The following NDUFS3 variants were observed in gnomAD, a reference collection of about 807,000 sequenced individuals.
NDUFS3 encodes NADH dehydrogenase [ubiquinone] iron-sulfur protein 3, mitochondrial.
In NDUFS3, 19 loss-of-function variants were observed where a neutral mutation model predicts 30.8. The observed-to-expected ratio is 0.62, with a 90% CI of 0.43 to 0.91. The LOEUF (loss-of-function observed/expected upper bound fraction) is 0.91, where lower values mean the gene tolerates loss of function less well. NDUFS3 is among the 40% of genes least tolerant of loss of function. The pLI, the probability that NDUFS3 is intolerant of heterozygous loss-of-function variation, is 0.00. For missense variants in NDUFS3, 331 were observed against 342.0 expected (o/e 0.97, Z 0.25); for synonymous variants, 153 against 135.8 (o/e 1.13, Z -0.88).
At position 47,579,099 on chromosome 11, in the gene NDUFS3, C is replaced by T. The variant is rs1275015181; in HGVS notation, c.8C>T (p.Ala3Val). 6.4e-7 allele frequency: 1 copy of T among 1,570,942 alleles called. No individual in the cohort carries two copies. The highest frequency in any genetic ancestry group is 8.6e-7 in the Non-Finnish European group (1 of 1,159,662). Reference sequence around the variant, plus strand: ...AGTCTGCATCTGAGTAACATGGCGGCGGCGGCGGTAGCCAGGCTGTGGTGG... The same window carrying T: ...AGTCTGCATCTGAGTAACATGGCGGTGGCGGCGGTAGCCAGGCTGTGGTGG... MA[A>V]AAVARLWWRG... The change falls in exon 1 of 7, where the codon GCG (alanine) becomes GTG (valine). Residue 3 changes from alanine (A) to valine (V), a missense_variant. Transcript: ENST00000263774.
chr11:47,582,553 G>A (rs1192733311), intron 6 of NDUFS3, 85 bp downstream of exon 6: 1 of 1,600,966 alleles, frequency 6.2e-7, no homozygotes, highest in South Asian at 1.1e-5. Context: ...AAGAAATACG[G>A]TCTGTGGATT....
In NDUFS3 at chr11:47,579,334, C is replaced by T; in HGVS notation, c.133C>T (p.Pro45Ser). The T allele has an allele frequency of 1.2e-6, 2 of 1,613,718 alleles. No homozygotes were observed. Among genetic ancestry groups the T allele is most frequent in the Non-Finnish European group, 1.7e-6 (2 of 1,180,034 alleles). ...RRESAGADTR[P>S]TVRPRNDVAH... ...GGAGAGCGCCGGGGCCGACACGCGC[C>T]GTGAGTATGTGCGGGCAGCGCTCTT... Residue 45 changes from proline (P) to serine (S), a missense_variant and splice_region_variant, in exon 2 of 7, where the codon CCC (proline) becomes TCC (serine). Physicochemically the swap from Pro to Ser is moderately conservative, Grantham distance 74. Transcript: ENST00000263774.
intron 2 of NDUFS3, chr11:47,579,593 C>G: frequency 1.7e-6 from 1 of 597,550 alleles, no homozygotes; most frequent in Admixed American, 2.9e-5. Context: ...AGCAATATAA[C>G]CTTTAGGCCT....
In NDUFS3 at chr11:47,584,003, AAG is replaced by A. The variant is rs529836383; in HGVS notation, c.628-308_628-307del. ...GGGCAAATGCTTACCATTACCTTGTAAGAGTGTGTGGGTGGGTGAGCAGTCAG... is the reference window on the plus strand; with the variant it reads ...GGGCAAATGCTTACCATTACCTTGTAAGTGTGTGGGTGGGTGAGCAGTCAG... On this transcript the variant is annotated intron_variant, in intron 6 of 6. Transcript: ENST00000263774. Among the ~76,000 whole-genome samples the A allele has an allele frequency of 1.5e-3, 225 of 152,278 alleles. 6 individuals are homozygous for A. The highest frequency in any genetic ancestry group is 0.014 in the Admixed American group (220 of 15,284).
At position 47,582,286 on chromosome 11, in the gene NDUFS3, GTA is replaced by G. The variant is rs1437542128; in HGVS notation, c.508-62_508-61del. 50 of 1,614,204 alleles carry G rather than the reference GTA, an allele frequency of 3.1e-5. No individual in the cohort carries two copies. The East Asian group carries it at 1.1e-3, about 35-fold the overall frequency. On this transcript the variant is annotated intron_variant, in intron 5 of 6. Coordinates refer to ENST00000263774, the MANE Select transcript of NDUFS3 (RefSeq NM_004551.3). ...ACTGGTTCAGACTACGGGATGCAGTGTAGCCCCTTCCCCCTGTTGTTAGTCTT... is the reference window on the plus strand; with the variant it reads ...ACTGGTTCAGACTACGGGATGCAGTGGCCCCTTCCCCCTGTTGTTAGTCTT...
chr11:47,580,161 T>C (rs184614569), intron 2 of NDUFS3, among the ~76,000 whole-genome samples: 51 of 152,274 alleles, frequency 3.3e-4, no homozygotes, highest in African/African-American at 1.2e-3. Context: ...GCTAAGGAGC[T>C]ACAGAGAGGC....
rs1267857141 is a variant in NDUFS3, at chr11:47,583,220, T to A, written c.627+752T>A. ...CATGCACCAACATGCCCAGCAAATT[T>A]TTGTATTTTTTGTAGAGACGGGGTT... On this transcript the variant is annotated intron_variant, in intron 6 of 6. Coordinates refer to ENST00000263774, the MANE Select transcript of NDUFS3 (RefSeq NM_004551.3). 5.3e-5 allele frequency among the ~76,000 whole-genome samples: 8 copies of A among 151,914 alleles called. No individual in the cohort carries two copies. The East Asian group carries it at 1.6e-3, about 29-fold the overall frequency.
chr11:47,580,524 G>T lies in NDUFS3; in HGVS notation c.134-1G>T. Reference sequence around the variant, plus strand: ...TTTTTAAATATGCCTTTTCCTTCCAGCCACTGTCAGACCACGGAATGATGT... The same window carrying T: ...TTTTTAAATATGCCTTTTCCTTCCATCCACTGTCAGACCACGGAATGATGT... On this transcript the variant is annotated splice_acceptor_variant, in intron 2 of 6. Transcript: ENST00000263774. LOFTEE classifies it high-confidence loss of function. 6.2e-7 allele frequency: 1 copy of T among 1,614,118 alleles called. No individual in the cohort carries two copies. Among genetic ancestry groups the T allele is most frequent in the Non-Finnish European group, 8.5e-7 (1 of 1,180,014 alleles).
At chr11:47,583,532 A>G (rs183298077) in intron 6 of NDUFS3, among the ~76,000 whole-genome samples, 140 of 152,338 alleles carry the variant, frequency 9.2e-4, no homozygotes, top group African/African-American at 3.2e-3. Flanking sequence ...GGGACCAGTA[A>G]CGTGAATAAA....
chr11:47,583,050 C>CTG (rs576702023), intron 6 of NDUFS3, among the ~76,000 whole-genome samples: 6,080 of 149,930 alleles, frequency 0.041, 109 homozygotes, highest in Middle Eastern at 0.068. Context: ...TCAATTGATG[C>CTG]TGTGTGTGTG....
Position 47,580,530 on chromosome 11 carries a change from G to A in NDUFS3, c.139G>A (p.Val47Ile), listed in dbSNP as rs1352349109. The A allele has an allele frequency of 3.7e-6, 6 of 1,614,038 alleles. No individual in the cohort carries two copies. The highest frequency in any genetic ancestry group is 5.1e-6 in the Non-Finnish European group (6 of 1,180,046). The change falls in exon 3 of 7, where the codon GTC becomes ATC. Residue 47 changes from valine to isoleucine, a missense_variant. Coordinates refer to ENST00000263774, the MANE Select transcript of NDUFS3 (RefSeq NM_004551.3). ...AATATGCCTTTTCCTTCCAGCCACT[G>A]TCAGACCACGGAATGATGTGGCCCA... ...ESAGADTRPTVRPRNDVAHKQ... is the reference protein window; with the variant it reads ...ESAGADTRPTIRPRNDVAHKQ...
rs36201718 is a variant in NDUFS3 at position 47,579,984 on chromosome 11, GACACACACACACAC to G, written c.134-508_134-495del. ...TTCTCCTTTCCTGGGTTTTCTCATT[GACACACACACACAC>G]ACACACACACACACACACACACACA... On this transcript the variant is annotated intron_variant, in intron 2 of 6. Coordinates refer to ENST00000263774, the MANE Select transcript of NDUFS3 (RefSeq NM_004551.3). 8.8e-3 allele frequency among the ~76,000 whole-genome samples: 1,225 copies of G among 139,378 alleles called. 10 individuals are homozygous for G. The highest frequency in any genetic ancestry group is 0.014 in the Middle Eastern group (4 of 276). 91.4% of individuals were successfully genotyped at this position (139,378 alleles called of 152,430 possible).
chr11:47,580,329 C>T (rs1204324090), intron 2 of NDUFS3, among the ~76,000 whole-genome samples, 196 bp from the exon 3 acceptor site: 3 of 152,244 alleles, frequency 2.0e-5, no homozygotes, highest in East Asian at 1.9e-4. Flanking sequence ...TTCTGAGGAC[C>T]GTGTAGTTAA....
chr11:47,581,479 A>C, intron 4 of NDUFS3: 1 of 218,466 alleles, frequency 4.6e-6, no homozygotes, highest in Non-Finnish European at 9.3e-6. Context: ...CTGAGCTTTC[A>C]TTTTCTTACC....
intron 6 of NDUFS3, 127 bp from the exon 7 acceptor site, chr11:47,584,187 T>C: frequency 8.2e-7 from 1 of 1,223,580 alleles, no homozygotes; most frequent in Non-Finnish European, 1.2e-6. Context: ...TGACAGAGGC[T>C]GGGACAGGAG....
chr11:47,581,894 A>C, intron 4 of NDUFS3, 194 bp from the exon 5 acceptor site: 2 of 705,496 alleles, frequency 2.8e-6, no homozygotes, highest in South Asian at 3.2e-5. Context: ...ATTCCTGACA[A>C]AGTGAATAGC....
chr11:47,580,823 T>A lies in NDUFS3; in HGVS notation c.232-12T>A, dbSNP rs777358312. On this transcript the variant is annotated splice_polypyrimidine_tract_variant and intron_variant, in intron 3 of 6. Coordinates refer to ENST00000263774, the MANE Select transcript of NDUFS3 (RefSeq NM_004551.3). ...CTCTTTGTTCCCTCTCCCCTCACTT[T>A]CATGTGTGCAGGTGTCCTGCTTCAA... The A allele has an allele frequency of 3.3e-5, 53 of 1,614,088 alleles. No individual in the cohort carries two copies. Among genetic ancestry groups the A allele is most frequent in the Non-Finnish European group, 4.2e-5 (49 of 1,180,054 alleles).
Position 47,582,174 on chromosome 11 carries a change from T to C in NDUFS3, c.468T>C (p.Ala156=). ...YTDELTPIES[A]VSVFKAANWY... ...ATGAGCTGACGCCCATTGAGTCTGCTGTCTCTGTGTTCAAGGCAGCCAACT... is the reference window on the plus strand; with the variant it reads ...ATGAGCTGACGCCCATTGAGTCTGCCGTCTCTGTGTTCAAGGCAGCCAACT... Residue 156 remains alanine, a synonymous_variant, in exon 5 of 7, where the codon GCT becomes GCC. Transcript: ENST00000263774. The C allele has an allele frequency of 6.2e-7, 1 of 1,614,222 alleles. No homozygotes were observed. The highest frequency in any genetic ancestry group is 8.5e-7 in the Non-Finnish European group (1 of 1,180,036).
chr11:47,579,456 T>C (rs2097266816), intron 2 of NDUFS3, 122 bp downstream of exon 2: 4 of 1,240,244 alleles, frequency 3.2e-6, no homozygotes, highest in Admixed American at 1.8e-5. Flanking sequence ...TGACTTGCAG[T>C]GGTCTTCACC....
Sources: allele counts gnomAD v4.1 joint callset (sites outside exome capture counted in the v4.1 genomes callset), GRCh38; gene constraint gnomAD v4.1.1; transcripts MANE v1.5; gene names NCBI Gene and HGNC (gene_info 2026-07-23, HGNC 2026-07-21).